EPB41L4A: variants seen among roughly 807,000 people sequenced by gnomAD.
The protein encoded by EPB41L4A is band 4.1-like protein 4A.
A neutral mutation model predicts 108.6 loss-of-function variants in EPB41L4A; 100 were observed. The ratio of observed to expected loss-of-function variants is 0.92; its 90% CI spans 0.78 to 1.09. EPB41L4A has a LOEUF of 1.09. Ranked by LOEUF, EPB41L4A falls within the 50% of genes least tolerant of loss-of-function variation. The pLI is 0.00. For missense variants in EPB41L4A, 1,030 were observed against 842.7 expected (o/e 1.22, Z -2.75); for synonymous variants, 319 against 289.0 (o/e 1.10, Z -1.05).
intron 1 of EPB41L4A, among the ~76,000 whole-genome samples, chr5:112,336,468 T>C (rs1445228383): frequency 6.6e-6 from 1 of 152,118 alleles, no homozygotes; most frequent in South Asian, 2.1e-4. Context: ...GCCAACCCCT[T>C]TAAAAGGCTT....
At chr5:112,234,591 G>A in intron 12 of EPB41L4A, 43 bp downstream of exon 12, 1 of 1,597,928 alleles carries the variant, frequency 6.3e-7, no homozygotes, top group East Asian at 2.2e-5. Flanking sequence ...CAGCCTAAAG[G>A]AAAACAAGGT....
intron 1 of EPB41L4A, among the ~76,000 whole-genome samples, chr5:112,414,613 T>C (rs1243978469): frequency 6.6e-6 from 1 of 152,076 alleles, no homozygotes; most frequent in Non-Finnish European, 1.5e-5. Flanking sequence ...AAAAGTGTAG[T>C]TCACTATCAA....
At chr5:112,250,426 G>A (rs1750577676) in intron 9 of EPB41L4A, among the ~76,000 whole-genome samples, 2 of 152,122 alleles carry the variant, frequency 1.3e-5, no homozygotes, top group African/African-American at 4.8e-5. Context: ...CTCCTCATCT[G>A]TTTTGTAGTA....
chr5:112,331,106 C>T (rs1756534732), intron 1 of EPB41L4A, among the ~76,000 whole-genome samples: 1 of 152,200 alleles, frequency 6.6e-6, no homozygotes, highest in Non-Finnish European at 1.5e-5. Context: ...GTTCCAATCT[C>T]AGTTCCCACT....
chr5:112,294,044 TATTACA>T (rs1429595973), intron 2 of EPB41L4A, among the ~76,000 whole-genome samples: 1 of 152,206 alleles, frequency 6.6e-6, no homozygotes, highest in Non-Finnish European at 1.5e-5. Flanking sequence ...TGCCTCCTTT[TATTACA>T]TACTACACCA....
chr5:112,238,877 T>C (rs1749560185), intron 11 of EPB41L4A, among the ~76,000 whole-genome samples: 2 of 152,178 alleles, frequency 1.3e-5, no homozygotes, highest in South Asian at 2.1e-4. Flanking sequence ...TTTCAAAATA[T>C]AGAACCCACT....
chr5:112,203,262 A>G (rs1762303682), intron 15 of EPB41L4A, among the ~76,000 whole-genome samples: 3 of 152,126 alleles, frequency 2.0e-5, no homozygotes, highest in Admixed American at 1.3e-4. Context: ...GGGCTGAGGC[A>G]GGAGAATCGC....
intron 2 of EPB41L4A, among the ~76,000 whole-genome samples, chr5:112,284,893 G>C (rs1013359103): frequency 6.6e-6 from 1 of 152,212 alleles, no homozygotes; most frequent in Non-Finnish European, 1.5e-5. Context: ...CATCCACCTT[G>C]GCTGATAACT....
At chr5:112,201,408 A>T (rs1268460305) in intron 15 of EPB41L4A, among the ~76,000 whole-genome samples, 1 of 152,140 alleles carries the variant, frequency 6.6e-6, no homozygotes, top group Non-Finnish European at 1.5e-5. Context: ...GTAGAAGTCA[A>T]GTCTGGATTT....
chr5:112,391,883 G>C (rs554489993), intron 1 of EPB41L4A, among the ~76,000 whole-genome samples: 10 of 152,278 alleles, frequency 6.6e-5, no homozygotes, highest in African/African-American at 2.2e-4. Context: ...TCTCTCGGCA[G>C]AAACTCCACA....
intron 12 of EPB41L4A, among the ~76,000 whole-genome samples, chr5:112,211,928 T>C (rs979609693): frequency 3.9e-5 from 6 of 152,146 alleles, no homozygotes; most frequent in African/African-American, 1.2e-4. Flanking sequence ...GCACAAAAGG[T>C]AAGCTCATGC....
chr5:112,195,022 T>C (rs944534455), intron 16 of EPB41L4A, among the ~76,000 whole-genome samples: 8 of 151,926 alleles, frequency 5.3e-5, no homozygotes, highest in African/African-American at 1.7e-4. Context: ...CTGAGAGACG[T>C]AGAGTTTATT....
At chr5:112,340,783 T>A (rs1254356959) in intron 1 of EPB41L4A, among the ~76,000 whole-genome samples, 1 of 152,250 alleles carries the variant, frequency 6.6e-6, no homozygotes, top group East Asian at 1.9e-4. Flanking sequence ...TTGTTGCTCC[T>A]ATGTCTACTC....
intron 9 of EPB41L4A, among the ~76,000 whole-genome samples, chr5:112,247,253 A>G (rs1366902036): frequency 6.6e-6 from 1 of 152,100 alleles, no homozygotes; most frequent in African/African-American, 2.4e-5. Flanking sequence ...CACTACTGTT[A>G]AGGGGTGGGT....
chr5:112,271,953 A>T (rs1174233146), intron 4 of EPB41L4A, among the ~76,000 whole-genome samples: 3 of 152,180 alleles, frequency 2.0e-5, no homozygotes, highest in Admixed American at 6.6e-5. Flanking sequence ...AAAACATCTT[A>T]GAACACAAGC....
chr5:112,166,977 A>C (rs1437033301), intron 22 of EPB41L4A, among the ~76,000 whole-genome samples: 1 of 152,236 alleles, frequency 6.6e-6, no homozygotes, highest in Non-Finnish European at 1.5e-5. Flanking sequence ...GCTTAGAATC[A>C]GTGCCACTGA....
At chr5:112,195,338 G>A (rs921703880) in intron 16 of EPB41L4A, among the ~76,000 whole-genome samples, 10 of 151,696 alleles carry the variant, frequency 6.6e-5, no homozygotes, top group South Asian at 2.1e-4. Flanking sequence ...TGAACAAGAC[G>A]AGCTAAAAAG....
At chr5:112,375,359 C>G (rs183635871) in intron 1 of EPB41L4A, among the ~76,000 whole-genome samples, 1 of 150,206 alleles carries the variant, frequency 6.7e-6, no homozygotes, top group African/African-American at 2.5e-5. Flanking sequence ...ACACACACCC[C>G]TTCCTCTATT....
At chr5:112,215,485 G>A (rs192703418) in intron 12 of EPB41L4A, among the ~76,000 whole-genome samples, 38 of 152,198 alleles carry the variant, frequency 2.5e-4, no homozygotes, top group African/African-American at 8.2e-4. Context: ...AAGCTTGCTC[G>A]GGCGCGGTGG....
Sources: allele counts gnomAD v4.1 joint callset (sites outside exome capture counted in the v4.1 genomes callset), GRCh38; gene constraint gnomAD v4.1.1; transcripts MANE v1.5; gene names NCBI Gene and HGNC (gene_info 2026-07-23, HGNC 2026-07-21).